CHD2: variants seen among roughly 807,000 people sequenced by gnomAD.
The protein encoded by CHD2 is ATP-dependent chromatin remodeler CHD2.
A neutral mutation model predicts 243.9 loss-of-function variants in CHD2; 28 were observed. The observed-to-expected ratio is 0.11, with a 90% CI of 0.09 to 0.16. CHD2 has a LOEUF of 0.16. Among genes scored for constraint, CHD2 ranks in the 10% least tolerant of loss-of-function variants. The pLI is 1.00. For synonymous variants in CHD2, 775 were observed against 779.0 expected (o/e 0.99, Z 0.09); for missense variants, 1,386 against 2,209.8 (o/e 0.63, Z 7.47).
intron 2 of CHD2, among the ~76,000 whole-genome samples, chr15:92,908,413 C>T (rs2052662807): frequency 6.6e-6 from 1 of 152,194 alleles, no homozygotes; most frequent in African/African-American, 2.4e-5. Flanking sequence ...TGGGTTTCCT[C>T]TACTTCCTCT....
At chr15:92,991,625 T>G in intron 27 of CHD2, 108 bp downstream of exon 27, 1 of 705,932 alleles carries the variant, frequency 1.4e-6, no homozygotes, top group South Asian at 2.1e-5. Flanking sequence ...GGAACATTTT[T>G]TTTTCTGGAA....
At chr15:93,005,884 G>T (rs1164862624) in intron 34 of CHD2, among the ~76,000 whole-genome samples, 2 of 152,078 alleles carry the variant, frequency 1.3e-5, no homozygotes, top group Admixed American at 1.3e-4. Flanking sequence ...AAGAGAAAAT[G>T]ATATCTAATG....
intron 20 of CHD2, among the ~76,000 whole-genome samples, chr15:92,977,255 T>C (rs2053922372): frequency 1.3e-5 from 2 of 152,232 alleles, no homozygotes; most frequent in Non-Finnish European, 2.9e-5. Context: ...CACTTCTTTA[T>C]TGGAATTGTT....
At chr15:92,917,581 GA>G (rs1004330159) in intron 2 of CHD2, among the ~76,000 whole-genome samples, 12 of 151,510 alleles carry the variant, frequency 7.9e-5, no homozygotes, top group African/African-American at 2.2e-4. Context: ...CAAGCAAAAA[GA>G]AAAAAAAGGT....
rs183503216 is a variant in CHD2 at position 93,019,305 on chromosome 15, C to T, written c.4907-707C>T. On this transcript the variant is annotated intron_variant, in intron 37 of 38. Transcript: ENST00000394196. The stretch of plus-strand genomic sequence containing the variant: ...TATTACTCGCAGCTGTGAAACTCAG[C>T]GGTATCATTTTCTGAATTAGTTTGG... Among the ~76,000 whole-genome samples the T allele has an allele frequency of 2.5e-3, 387 of 152,194 alleles. 1 individual carries two copies. Among genetic ancestry groups the T allele is most frequent in the Non-Finnish European group, 4.5e-3 (308 of 68,004 alleles).
rs111775030 is a variant in CHD2, at chr15:93,004,496, T to A, written c.4279-121T>A. On this transcript the variant is annotated intron_variant, in intron 33 of 38. Coordinates refer to ENST00000394196, the MANE Select transcript of CHD2 (RefSeq NM_001271.4). ...TGTTTCAGGATTTTATTTTACTTTT[T>A]AAAAAATAAACTGAGACCATCATAT... is the stretch of plus-strand genomic sequence containing the variant. The A allele has an allele frequency of 3.6e-3, 3,486 of 969,538 alleles. 74 individuals are homozygous for A. In the African/African-American group the frequency reaches 0.052, roughly 14 times the overall value. The allele number at this position is 969,538 out of a possible 1,614,324, so 60.1% of individuals were successfully genotyped here.
chr15:92,941,795 A>G (rs1282327576), intron 7 of CHD2, 27 bp from the exon 8 acceptor site: 1 of 1,608,992 alleles, frequency 6.2e-7, no homozygotes, highest in Non-Finnish European at 8.5e-7. Flanking sequence ...ATCATTTCTC[A>G]TTTATTCAGC....
rs763010609 is a variant in CHD2 at position 93,002,326 on chromosome 15, G to C, written c.4278+9G>C. 1.3e-6 allele frequency: 2 copies of C among 1,590,412 alleles called. No homozygotes were observed. ...AAGATAAGAAAGAGAAGGTAATGAT[G>C]CCCTTCTGTTCATGCAGATATCCAC... On this transcript the variant is annotated intron_variant, in intron 33 of 38. Coordinates refer to ENST00000394196, the MANE Select transcript of CHD2 (RefSeq NM_001271.4).
chr15:93,007,958 C>A (rs550218456), intron 34 of CHD2, among the ~76,000 whole-genome samples: 2 of 152,308 alleles, frequency 1.3e-5, no homozygotes, highest in African/African-American at 4.8e-5. Flanking sequence ...TGCTGACCCT[C>A]AGTTGTCAGC....
chr15:92,975,267 G>C (rs2053892280), intron 20 of CHD2, among the ~76,000 whole-genome samples: 1 of 152,190 alleles, frequency 6.6e-6, no homozygotes, highest in South Asian at 2.1e-4. Context: ...ATTAATATAA[G>C]AAGGTTCTGA....
At chr15:92,938,150 A>G (rs1011008920) in intron 6 of CHD2, among the ~76,000 whole-genome samples, 2 of 152,210 alleles carry the variant, frequency 1.3e-5, no homozygotes, top group African/African-American at 4.8e-5. Flanking sequence ...TGGACTCAGC[A>G]AACTATGCCC....
intron 28 of CHD2, among the ~76,000 whole-genome samples, chr15:92,994,312 C>T (rs1297836586): frequency 1.3e-5 from 2 of 152,078 alleles, no homozygotes; most frequent in East Asian, 1.9e-4. Flanking sequence ...TTAGCAATGG[C>T]GTCTGGCTTG....
intron 35 of CHD2, among the ~76,000 whole-genome samples, chr15:93,010,615 G>T (rs950728918): frequency 6.6e-6 from 1 of 151,980 alleles, no homozygotes; most frequent in Admixed American, 6.6e-5. Context: ...GTAGAGATGG[G>T]GTTTCATCAT....
Position 92,959,450 on chromosome 15 carries a change from A to G in CHD2, c.2000+2801A>G, listed in dbSNP as rs536250237. ...AATACATATTTCTGTCCTTCTGCCA[A>G]TGTCACACTGTCTTGATTAATGTAG... On this transcript the variant is annotated intron_variant, in intron 16 of 38. Coordinates refer to ENST00000394196, the MANE Select transcript of CHD2 (RefSeq NM_001271.4). Among the ~76,000 whole-genome samples the G allele has an allele frequency of 5.9e-4, 90 of 152,192 alleles. 2 individuals are homozygous for G. Among genetic ancestry groups the G allele is most frequent in the Middle Eastern group, 3.4e-3 (1 of 294 alleles).
intron 3 of CHD2, 108 bp downstream of exon 3, chr15:92,924,660 G>T (rs1270324257): frequency 1.1e-6 from 1 of 914,732 alleles, no homozygotes; most frequent in Non-Finnish European, 1.7e-6. Flanking sequence ...GAAACCTACA[G>T]CCATTTTTTC....
chr15:92,996,027 C>T (rs2054182798), intron 28 of CHD2, among the ~76,000 whole-genome samples: 1 of 152,036 alleles, frequency 6.6e-6, no homozygotes, highest in African/African-American at 2.4e-5. Flanking sequence ...TGTGTGCTGC[C>T]CATTTTCTAT....
In CHD2 at chr15:93,014,714, G is replaced by C; in HGVS notation, c.4711G>C (p.Asp1571His). 1 of 1,614,040 alleles carries C rather than the reference G, an allele frequency of 6.2e-7. No homozygotes were observed. ...TCTTTAGGAGCAAAAGAAGAAAGAC[G>C]ACGTGACTGGGGGTAAGAAACCATT... The part of the protein sequence containing the change: ...QEEEEQKKKD[D>H]VTGGKKPFRP... Residue 1571 changes from aspartate (D) to histidine (H), a missense_variant, in exon 37 of 39, where the codon GAC (aspartate) becomes CAC (histidine). Around this residue, in one of 19 missense-constraint regions of CHD2, gnomAD observed 347 missense variants for 341.6 expected, o/e 1.02. Transcript: ENST00000394196.
chr15:92,932,409 A>G (rs1033443363), intron 5 of CHD2, among the ~76,000 whole-genome samples: 1 of 149,650 alleles, frequency 6.7e-6, no homozygotes, highest in Non-Finnish European at 1.5e-5. Context: ...CGTCATTTAC[A>G]TTAGGTATAT....
At chr15:92,923,167 C>A (rs8042632) in intron 2 of CHD2, among the ~76,000 whole-genome samples, 1 of 152,058 alleles carries the variant, frequency 6.6e-6, no homozygotes, top group South Asian at 2.1e-4. Flanking sequence ...TAAAGCTCCT[C>A]AGATGAGCCT....
Sources: allele counts gnomAD v4.1 joint callset (sites outside exome capture counted in the v4.1 genomes callset), GRCh38; gene constraint gnomAD v4.1.1; regional missense constraint gnomAD v4.1.1; transcripts MANE v1.5; gene names NCBI Gene and HGNC (gene_info 2026-07-23, HGNC 2026-07-21).